SPIRE1: variants seen among roughly 807,000 people sequenced by gnomAD.
The protein encoded by SPIRE1 is spire type actin nucleation factor 1, also known as protein spire homolog 1.
A neutral mutation model predicts 94.1 loss-of-function variants in SPIRE1; 40 were observed. The observed-to-expected ratio is 0.43, with a 90% CI of 0.33 to 0.55. The LOEUF is 0.55. Among genes scored for constraint, SPIRE1 ranks in the 20% least tolerant of loss-of-function variants. The pLI is 0.06. For synonymous variants in SPIRE1, 376 were observed against 371.7 expected (o/e 1.01, Z -0.13); for missense variants, 838 against 975.2 (o/e 0.86, Z 1.87).
intron 2 of SPIRE1, among the ~76,000 whole-genome samples, chr18:12,601,207 G>A (rs1422196984): frequency 1.3e-5 from 2 of 151,314 alleles, no homozygotes; most frequent in Admixed American, 1.3e-4. Context: ...GATCACTTAA[G>A]GTTCGAGACC....
chr18:12,449,970 A>T, intron 16 of SPIRE1, 74 bp from the exon 17 acceptor site: 3 of 1,445,076 alleles, frequency 2.1e-6, no homozygotes, highest in Middle Eastern at 1.9e-4. Context: ...AATATGTATA[A>T]AAAAAAGTAA....
chr18:12,659,706 G>A (rs1181007789), upstream of SPIRE1, among the ~76,000 whole-genome samples: 1 of 151,344 alleles, frequency 6.6e-6, no homozygotes, highest in East Asian at 1.9e-4. Context: ...GGAGAAGAAA[G>A]CTCCCCAGGC....
chr18:12,637,183 C>T (rs952304979), intron 1 of SPIRE1, among the ~76,000 whole-genome samples: 1 of 151,992 alleles, frequency 6.6e-6, no homozygotes, highest in Non-Finnish European at 1.5e-5. Context: ...CATGGTGAAA[C>T]CTCATCTCTA....
intron 4 of SPIRE1, among the ~76,000 whole-genome samples, chr18:12,519,511 A>G (rs2034300117): frequency 6.6e-6 from 1 of 152,214 alleles, no homozygotes; most frequent in Admixed American, 6.5e-5. Flanking sequence ...TTTTATACTC[A>G]TCAGCTCTTC....
intron 2 of SPIRE1, among the ~76,000 whole-genome samples, chr18:12,569,397 C>T (rs2035903308): frequency 6.6e-6 from 1 of 151,432 alleles, no homozygotes; most frequent in South Asian, 2.1e-4. Flanking sequence ...ATTACACTGG[C>T]ATGTGCACCA....
Position 12,566,031 on chromosome 18 carries a change from C to CA in SPIRE1, c.373-19128dup, listed in dbSNP as rs1253251108. ...CTGGGCGACAATACAAACAAACAAA[C>CA]AAACAAAAAAAAAAATTCTTTAGGC... On this transcript the variant is annotated intron_variant, in intron 2 of 16. Coordinates refer to ENST00000409402, the MANE Select transcript of SPIRE1 (RefSeq NM_001128626.2). 9.0e-4 allele frequency among the ~76,000 whole-genome samples: 131 copies of CA among 145,700 alleles called. 1 individual carries two copies. The highest frequency in any genetic ancestry group is 4.1e-3 in the Middle Eastern group (1 of 244).
chr18:12,525,276 C>CAAAAAAAAAA (rs1170791088), intron 4 of SPIRE1, among the ~76,000 whole-genome samples: 5 of 71,496 alleles, frequency 7.0e-5, no homozygotes, highest in East Asian at 3.5e-4. Flanking sequence ...GACTCCGTCT[C>CAAAAAAAAAA]AAAAAAAAAA....
At chr18:12,494,712 G>A (rs1233888632) in intron 7 of SPIRE1, among the ~76,000 whole-genome samples, 2 of 151,020 alleles carry the variant, frequency 1.3e-5, no homozygotes, top group African/African-American at 4.9e-5. Flanking sequence ...GGTGGCAGGC[G>A]CCTGTAGTCC....
intron 2 of SPIRE1, among the ~76,000 whole-genome samples, chr18:12,596,189 T>C (rs1389373387): frequency 6.6e-6 from 1 of 152,156 alleles, no homozygotes; most frequent in Non-Finnish European, 1.5e-5. Context: ...GAGGAAGCCA[T>C]ATATATTACC....
chr18:12,536,333 A>C (rs911650089), intron 3 of SPIRE1, among the ~76,000 whole-genome samples: 1 of 152,198 alleles, frequency 6.6e-6, no homozygotes, highest in African/African-American at 2.4e-5. Context: ...TCTTCAATGT[A>C]CTGCTGAATT....
intron 9 of SPIRE1, among the ~76,000 whole-genome samples, chr18:12,482,987 T>C (rs1003138176): frequency 6.8e-6 from 1 of 147,696 alleles, no homozygotes; most frequent in Non-Finnish European, 1.5e-5. Flanking sequence ...GTTGCGCAGG[T>C]TGGGGTGCAG....
intron 7 of SPIRE1, among the ~76,000 whole-genome samples, chr18:12,494,616 TC>T: frequency 6.7e-6 from 1 of 150,292 alleles, no homozygotes. Flanking sequence ...GATCACGAGG[TC>T]AGGAAATCAA....
intron 2 of SPIRE1, among the ~76,000 whole-genome samples, chr18:12,616,650 G>C (rs1044759314): frequency 6.6e-6 from 1 of 152,202 alleles, no homozygotes; most frequent in African/African-American, 2.4e-5. Flanking sequence ...TACAGGCAGT[G>C]GTAGTGCGAA....
chr18:12,615,145 T>C (rs2037249824), intron 2 of SPIRE1, among the ~76,000 whole-genome samples: 1 of 150,662 alleles, frequency 6.6e-6, no homozygotes. Context: ...GCTAACATGG[T>C]GGTTAACCCC....
chr18:12,623,384 A>G (rs1462922400), intron 2 of SPIRE1, among the ~76,000 whole-genome samples: 1 of 151,912 alleles, frequency 6.6e-6, no homozygotes, highest in Non-Finnish European at 1.5e-5. Context: ...CAATCTCCTG[A>G]CCTCGTGATC....
chr18:12,581,424 A>T (rs2036253295), intron 2 of SPIRE1, among the ~76,000 whole-genome samples: 1 of 151,688 alleles, frequency 6.6e-6, no homozygotes, highest in African/African-American at 2.4e-5. Flanking sequence ...AAACCAAGGC[A>T]CTAAAAGGTT....
chr18:12,514,605 C>A (rs1378756758), intron 4 of SPIRE1, among the ~76,000 whole-genome samples: 2 of 152,024 alleles, frequency 1.3e-5, no homozygotes, highest in Non-Finnish European at 2.9e-5. Context: ...ATTTAATAGC[C>A]CTTACCAAGT....
At chr18:12,557,307 C>A (rs2035544317) in intron 2 of SPIRE1, among the ~76,000 whole-genome samples, 1 of 152,178 alleles carries the variant, frequency 6.6e-6, no homozygotes, top group Non-Finnish European at 1.5e-5. Context: ...CACGGGCAGG[C>A]AGCTGAGGCC....
intron 2 of SPIRE1, among the ~76,000 whole-genome samples, chr18:12,606,157 T>C (rs1420373599): frequency 6.6e-6 from 1 of 151,444 alleles, no homozygotes; most frequent in East Asian, 1.9e-4. Context: ...TTGCCCCCCC[T>C]TTATTTTTCT....
Sources: gnomAD v4.1 joint callset for allele counts (sites outside exome capture counted in the v4.1 genomes callset) on GRCh38, gnomAD v4.1.1 for gene constraint, MANE v1.5 for transcripts, NCBI Gene and HGNC (gene_info 2026-07-23, HGNC 2026-07-21) for gene names.